Variants in LSAMP observed in about 807,000 individuals in gnomAD.
LSAMP encodes the protein limbic system associated membrane protein.
A neutral mutation model predicts 38.6 loss-of-function variants in LSAMP; 7 were observed. The ratio of observed to expected loss-of-function variants is 0.18; its 90% CI spans 0.10 to 0.34. LSAMP has a LOEUF of 0.34. LSAMP is among the 10% of genes least tolerant of loss of function. LSAMP has a pLI of 1.00. For missense variants in LSAMP, 313 were observed against 420.0 expected, an observed-to-expected ratio of 0.75 and a Z score of 2.23; for synonymous variants, 154 against 166.8, an observed-to-expected ratio of 0.92 and a Z score of 0.59.
chr3:116,280,870 GT>G (rs549972561), intron 1 of LSAMP, among the ~76,000 whole-genome samples: 1 of 152,090 alleles, frequency 6.6e-6, no homozygotes, highest in Admixed American at 6.6e-5. Context: ...TAGTGTGATA[GT>G]TTTTTTCTGA....
chr3:116,165,626 A>G (rs1710032225), intron 1 of LSAMP, among the ~76,000 whole-genome samples: 1 of 152,188 alleles, frequency 6.6e-6, no homozygotes, highest in Non-Finnish European at 1.5e-5. Context: ...ATTTAGATCT[A>G]TCTGTGCTTT....
chr3:116,270,307 G>A (rs2107669156), intron 1 of LSAMP, among the ~76,000 whole-genome samples: 1 of 152,126 alleles, frequency 6.6e-6, no homozygotes, highest in South Asian at 2.1e-4. Context: ...TCCCCTTCCA[G>A]TTAACACTCC....
chr3:116,286,443 A>G (rs557439798), intron 1 of LSAMP, among the ~76,000 whole-genome samples: 39 of 152,300 alleles, frequency 2.6e-4, no homozygotes, highest in African/African-American at 9.4e-4. Context: ...TTTGTCTTTA[A>G]TAACATTCCA....
Position 115,808,756 on chromosome 3 carries a change from C to T in LSAMP, c.*1561G>A, listed in dbSNP as rs1933711095. 6.6e-6 allele frequency: 1 copy of T among 152,200 alleles called. No homozygotes were observed. The highest frequency in any genetic ancestry group is 1.5e-5 in the Non-Finnish European group (1 of 68,088). The allele number at this position is 152,200 out of a possible 1,614,324, so 9.4% of individuals were successfully genotyped here. A position where few individuals can be genotyped will look rare whatever the true frequency, so the allele number is the denominator to read the frequency against. Reference sequence around the variant, plus strand: ...AACCAAATAAAACATTAACCTAGAACACTGGGAAAAACATCTGCAGAGGAG... The same window carrying T: ...AACCAAATAAAACATTAACCTAGAATACTGGGAAAAACATCTGCAGAGGAG... On this transcript the variant is annotated 3_prime_UTR_variant, in exon 7 of 7. Coordinates refer to ENST00000490035, the MANE Select transcript of LSAMP (RefSeq NM_002338.5).
intron 1 of LSAMP, among the ~76,000 whole-genome samples, chr3:116,319,670 T>TCA (rs1456775235): frequency 7.2e-5 from 11 of 152,172 alleles, no homozygotes; most frequent in Non-Finnish European, 1.3e-4. Context: ...TCGGCACCTC[T>TCA]CTAAAGGTCA....
At chr3:115,975,803 C>T (rs547036728) in intron 3 of LSAMP, among the ~76,000 whole-genome samples, 1 of 152,130 alleles carries the variant, frequency 6.6e-6, no homozygotes, top group Non-Finnish European at 1.5e-5. Flanking sequence ...GTCCCTATCT[C>T]TTTCCTGAGA....
At chr3:116,140,916 A>T (rs867818449) in intron 1 of LSAMP, among the ~76,000 whole-genome samples, 1 of 151,974 alleles carries the variant, frequency 6.6e-6, no homozygotes, top group Non-Finnish European at 1.5e-5. Flanking sequence ...AGGGAGAAGG[A>T]TAAAAGATCA....
intron 3 of LSAMP, among the ~76,000 whole-genome samples, chr3:115,985,484 A>G (rs980872211): frequency 1.3e-5 from 2 of 152,170 alleles, no homozygotes; most frequent in Admixed American, 1.3e-4. Context: ...GCCTGTGGAA[A>G]ACAGCCTCAA....
At chr3:116,161,948 G>A (rs1438287053) in intron 1 of LSAMP, among the ~76,000 whole-genome samples, 2 of 151,862 alleles carry the variant, frequency 1.3e-5, no homozygotes, top group African/African-American at 4.8e-5. Flanking sequence ...GCAAGGGTGG[G>A]GAATAGCGGA....
chr3:115,911,756 A>C (rs1483485671), intron 3 of LSAMP, among the ~76,000 whole-genome samples: 1 of 152,220 alleles, frequency 6.6e-6, no homozygotes, highest in Non-Finnish European at 1.5e-5. Context: ...AGCAAAAGCC[A>C]AAATTATTTT....
chr3:115,909,516 T>A (rs1453938423), intron 3 of LSAMP, among the ~76,000 whole-genome samples: 2 of 152,246 alleles, frequency 1.3e-5, no homozygotes, highest in East Asian at 3.8e-4. Flanking sequence ...AATGTAAGAA[T>A]CCTGCTTCTT....
chr3:115,955,059 A>G (rs538161233), intron 3 of LSAMP, among the ~76,000 whole-genome samples: 5 of 151,202 alleles, frequency 3.3e-5, no homozygotes, highest in Non-Finnish European at 7.4e-5. Context: ...GGTTCACGCC[A>G]TTCTCCTGCC....
chr3:115,914,471 C>T (rs1384972260), intron 3 of LSAMP, among the ~76,000 whole-genome samples: 1 of 152,214 alleles, frequency 6.6e-6, no homozygotes, highest in Non-Finnish European at 1.5e-5. Context: ...TTTCCATACA[C>T]TGACTGTGCT....
At chr3:116,296,439 T>G (rs1381120272) in intron 1 of LSAMP, among the ~76,000 whole-genome samples, 2 of 151,956 alleles carry the variant, frequency 1.3e-5, no homozygotes, top group Non-Finnish European at 2.9e-5. Flanking sequence ...AAACCCATAT[T>G]GGGAGGCCGA....
rs187419158 is a variant in LSAMP at position 116,306,938 on chromosome 3, C to G, written c.155+137939G>C. On this transcript the variant is annotated intron_variant, in intron 1 of 6. Transcript: ENST00000490035. Reference sequence around the variant, plus strand: ...GTATATGAGCTTCCCTGCAGGGCAGCCTTTGAACTACAACTCATTGTCAAT... The same window carrying G: ...GTATATGAGCTTCCCTGCAGGGCAGGCTTTGAACTACAACTCATTGTCAAT... 2.7e-3 allele frequency among the ~76,000 whole-genome samples: 410 copies of G among 152,016 alleles called. 6 individuals are homozygous for G. Among genetic ancestry groups the G allele is most frequent in the African/African-American group, 9.2e-3 (383 of 41,498 alleles).
intron 1 of LSAMP, among the ~76,000 whole-genome samples, chr3:116,270,124 T>C (rs1045828950): frequency 6.6e-6 from 1 of 152,214 alleles, no homozygotes; most frequent in Admixed American, 6.5e-5. Flanking sequence ...GGTTTTATTT[T>C]GTGTTTTCCA....
chr3:116,075,575 T>C (rs1327889883), intron 2 of LSAMP, among the ~76,000 whole-genome samples: 2 of 150,250 alleles, frequency 1.3e-5, no homozygotes, highest in Non-Finnish European at 3.0e-5. Flanking sequence ...GGAGTCTCGC[T>C]CTGTCACCCA....
intron 1 of LSAMP, among the ~76,000 whole-genome samples, chr3:116,135,660 C>A (rs1399732797): frequency 6.6e-6 from 1 of 152,152 alleles, no homozygotes; most frequent in Non-Finnish European, 1.5e-5. Flanking sequence ...GAAATCACTG[C>A]TGGCTGACCA....
At chr3:116,052,465 G>A (rs769386393) in intron 2 of LSAMP, among the ~76,000 whole-genome samples, 6 of 152,082 alleles carry the variant, frequency 3.9e-5, no homozygotes, top group African/African-American at 9.7e-5. Context: ...GAAGACAATC[G>A]TATAAAATTT....
Sources: allele counts gnomAD v4.1 joint callset (sites outside exome capture counted in the v4.1 genomes callset), GRCh38; gene constraint gnomAD v4.1.1; transcripts MANE v1.5; gene names NCBI Gene and HGNC (gene_info 2026-07-23, HGNC 2026-07-21).